DSCAM: variants seen among roughly 807,000 people sequenced by gnomAD.
DSCAM encodes the protein cell adhesion molecule DSCAM.
In DSCAM, 47 loss-of-function variants were observed where a neutral mutation model predicts 217.7. The observed-to-expected ratio is 0.22, with a 90% confidence interval of 0.17 to 0.28. The LOEUF (loss-of-function observed/expected upper bound fraction) is 0.28, where lower values mean the gene tolerates loss of function less well. DSCAM is among the 10% of genes least tolerant of loss of function. DSCAM has a pLI of 1.00. For synonymous variants in DSCAM, 1,056 were observed against 1,015.3 expected, an observed-to-expected ratio of 1.04 and a Z score of -0.76; for missense variants, 2,080 against 2,618.3, an observed-to-expected ratio of 0.79 and a Z score of 4.49.
chr21:40,213,269 C>T (rs2091203289), intron 11 of DSCAM, among the ~76,000 whole-genome samples: 1 of 152,002 alleles, frequency 6.6e-6, no homozygotes, highest in Non-Finnish European at 1.5e-5. Flanking sequence ...TTTTAATCAC[C>T]CCAGAAGCAT....
At chr21:40,592,316 TA>T (rs2076989856) in intron 3 of DSCAM, among the ~76,000 whole-genome samples, 1 of 152,192 alleles carries the variant, frequency 6.6e-6, no homozygotes, top group Non-Finnish European at 1.5e-5. Flanking sequence ...TAAACTATAT[TA>T]ACTCAATATC....
At chr21:40,042,241 T>C (rs993203422) in intron 32 of DSCAM, 130 bp downstream of exon 32, 31 of 942,482 alleles carry the variant, frequency 3.3e-5, no homozygotes, top group Non-Finnish European at 4.7e-5. Context: ...GGATGGTTTG[T>C]TATGCAGCCA....
intron 3 of DSCAM, among the ~76,000 whole-genome samples, chr21:40,560,812 G>C (rs2076714655): frequency 6.6e-6 from 1 of 152,194 alleles, no homozygotes; most frequent in South Asian, 2.1e-4. Flanking sequence ...CATCAAAAGA[G>C]AGTATGGAAC....
At chr21:40,693,908 T>A (rs1486006590) in intron 2 of DSCAM, among the ~76,000 whole-genome samples, 1 of 152,122 alleles carries the variant, frequency 6.6e-6, no homozygotes. Flanking sequence ...CTCCCTGGGT[T>A]CAAATCCAAG....
intron 1 of DSCAM, among the ~76,000 whole-genome samples, chr21:40,827,500 G>T (rs1360641406): frequency 6.8e-6 from 1 of 147,626 alleles, no homozygotes; most frequent in African/African-American, 2.5e-5. Flanking sequence ...AAGAAAGAAA[G>T]AAAATAAACA....
At chr21:40,565,967 G>A (rs1224955182) in intron 3 of DSCAM, among the ~76,000 whole-genome samples, 1 of 152,044 alleles carries the variant, frequency 6.6e-6, no homozygotes, top group African/African-American at 2.4e-5. Context: ...GCCAAGAGAA[G>A]CTTCATGAAA....
At chr21:40,125,323 C>G (rs767115817) in intron 19 of DSCAM, among the ~76,000 whole-genome samples, 15 of 152,126 alleles carry the variant, frequency 9.9e-5, no homozygotes, top group Non-Finnish European at 2.2e-4. Context: ...ATGGCCAAGA[C>G]AAGAAGATGC....
chr21:40,420,774 G>A (rs2075416444), intron 3 of DSCAM, among the ~76,000 whole-genome samples: 1 of 152,150 alleles, frequency 6.6e-6, no homozygotes, highest in African/African-American at 2.4e-5. Flanking sequence ...GATATCAGAT[G>A]ATGTTTCTAC....
At chr21:40,356,331 A>T (rs2074692452) in intron 4 of DSCAM, among the ~76,000 whole-genome samples, 1 of 152,002 alleles carries the variant, frequency 6.6e-6, no homozygotes, top group African/African-American at 2.4e-5. Context: ...ACATACATAC[A>T]TACACACACA....
At chr21:40,605,585 A>G (rs1296425599) in intron 3 of DSCAM, among the ~76,000 whole-genome samples, 1 of 152,172 alleles carries the variant, frequency 6.6e-6, no homozygotes, top group African/African-American at 2.4e-5. Flanking sequence ...ATAAGTGAAC[A>G]TGGCTGCGTC....
At chr21:40,697,360 T>C (rs892447553) in intron 2 of DSCAM, among the ~76,000 whole-genome samples, 5 of 152,218 alleles carry the variant, frequency 3.3e-5, no homozygotes, top group Non-Finnish European at 5.9e-5. Flanking sequence ...TTGTCTATTT[T>C]TGCTTTTGTT....
At chr21:40,427,860 A>T (rs1336071771) in intron 3 of DSCAM, among the ~76,000 whole-genome samples, 1 of 152,174 alleles carries the variant, frequency 6.6e-6, no homozygotes, top group Non-Finnish European at 1.5e-5. Flanking sequence ...TCAGTTAAGT[A>T]TTGTGTTCTG....
chr21:40,745,303 G>C (rs572854197), intron 1 of DSCAM, among the ~76,000 whole-genome samples: 1 of 152,202 alleles, frequency 6.6e-6, no homozygotes, highest in Admixed American at 6.5e-5. Flanking sequence ...AGTATAAAAA[G>C]CTCAGAGATC....
intron 3 of DSCAM, among the ~76,000 whole-genome samples, chr21:40,653,375 C>T (rs1249648375): frequency 6.6e-6 from 1 of 152,204 alleles, no homozygotes; most frequent in African/African-American, 2.4e-5. Flanking sequence ...GTTCCTCCAC[C>T]TCTGGAGAGG....
intron 3 of DSCAM, among the ~76,000 whole-genome samples, chr21:40,521,807 TCAA>T (rs951320822): frequency 7.9e-5 from 12 of 152,060 alleles, no homozygotes; most frequent in Admixed American, 5.2e-4. Context: ...GCAACTACAG[TCAA>T]CAACAAGGTA....
chr21:40,677,446 CA>C (rs974135551), intron 3 of DSCAM, among the ~76,000 whole-genome samples: 4 of 152,086 alleles, frequency 2.6e-5, no homozygotes, highest in Admixed American at 6.5e-5. Context: ...TGAAAGGAAG[CA>C]AAAAAGGCCT....
intron 3 of DSCAM, among the ~76,000 whole-genome samples, chr21:40,583,991 C>T (rs1192993821): frequency 1.3e-5 from 2 of 151,440 alleles, no homozygotes; most frequent in African/African-American, 2.4e-5. Flanking sequence ...AGCATGATAC[C>T]TCTGCATTAA....
intron 3 of DSCAM, among the ~76,000 whole-genome samples, chr21:40,665,796 A>C (rs1414331078): frequency 1.3e-5 from 2 of 152,220 alleles, no homozygotes; most frequent in East Asian, 3.9e-4. Flanking sequence ...CAGTGAATGA[A>C]TGCTCACAGA....
intron 11 of DSCAM, among the ~76,000 whole-genome samples, chr21:40,266,563 AG>A (rs2073530266): frequency 6.7e-6 from 1 of 148,622 alleles, no homozygotes; most frequent in African/African-American, 2.5e-5. Context: ...TGTTTATCAC[AG>A]CACAATTCAC....
Sources: gnomAD v4.1 joint callset for allele counts (sites outside exome capture counted in the v4.1 genomes callset) on GRCh38, gnomAD v4.1.1 for gene constraint, MANE v1.5 for transcripts, NCBI Gene and HGNC (gene_info 2026-07-23, HGNC 2026-07-21) for gene names.